The following ANKRD30A variants were observed in gnomAD, a reference collection of about 807,000 sequenced individuals.
ANKRD30A encodes ankyrin repeat domain 30A.
ANKRD30A carries 170 observed loss-of-function variants against 166.3 expected under a neutral mutation model. That is an observed-to-expected ratio of 1.02 (90% CI 0.90 to 1.16). The LOEUF (loss-of-function observed/expected upper bound fraction) is 1.16. Among genes scored for constraint, ANKRD30A ranks in the 50% most tolerant of loss-of-function variants. The probability of loss-of-function intolerance (pLI) is 0.00; values close to 1 mark genes in which losing one functional copy is unlikely to be tolerated. For missense variants in ANKRD30A, 1,630 were observed against 1,518.0 expected (o/e 1.07, Z -1.23); for synonymous variants, 564 against 508.9 (o/e 1.11, Z -1.46).
chr10:37,218,618 T>A (rs568519318), intron 33 of ANKRD30A, among the ~76,000 whole-genome samples: 9 of 151,156 alleles, frequency 6.0e-5, no homozygotes, highest in African/African-American at 1.9e-4. Context: ...TCTTAGTATA[T>A]GTTAGACATC....
chr10:37,224,371 T>G (rs1170662134), intron 34 of ANKRD30A, among the ~76,000 whole-genome samples: 1 of 151,154 alleles, frequency 6.6e-6, no homozygotes, highest in Non-Finnish European at 1.5e-5. Context: ...TTTTAAAATA[T>G]ATTATGGATA....
chr10:37,151,330 T>A (rs1466847956), intron 11 of ANKRD30A, among the ~76,000 whole-genome samples: 1 of 152,086 alleles, frequency 6.6e-6, no homozygotes, highest in African/African-American at 2.4e-5. Flanking sequence ...TCCTATAACA[T>A]GTGGGAACGT....
At chr10:37,151,548 A>T (rs1342135620) in intron 11 of ANKRD30A, among the ~76,000 whole-genome samples, 1 of 152,114 alleles carries the variant, frequency 6.6e-6, no homozygotes, top group African/African-American at 2.4e-5. Flanking sequence ...CTGTCATAGA[A>T]TATTGAAATG....
chr10:37,131,031 G>A (rs1404064848), intron 3 of ANKRD30A, among the ~76,000 whole-genome samples: 2 of 152,022 alleles, frequency 1.3e-5, no homozygotes, highest in African/African-American at 2.4e-5. Flanking sequence ...TTGACTTCTA[G>A]AATTTAGAGG....
At chr10:37,235,279 A>G (rs148398631), downstream of ANKRD30A, among the ~76,000 whole-genome samples, 766 of 151,910 alleles carry the variant, frequency 5.0e-3, 4 homozygotes, top group African/African-American at 0.017. Flanking sequence ...GTGTGGATCT[A>G]TGCTTAATCT....
the ANKRD30A span, among the ~76,000 whole-genome samples, chr10:37,237,964 G>C: frequency 6.6e-6 from 1 of 152,102 alleles, no homozygotes; most frequent in Admixed American, 6.5e-5. Flanking sequence ...AAAATTGAAA[G>C]GGACTTATAA....
intron 15 of ANKRD30A, among the ~76,000 whole-genome samples, chr10:37,159,550 T>C (rs541491871): frequency 4.0e-4 from 61 of 152,270 alleles, no homozygotes; most frequent in Admixed American, 2.7e-3. Context: ...ACTCACAACA[T>C]GTATGTGGTT....
chr10:37,201,608 A>C (rs1841632481), intron 31 of ANKRD30A, among the ~76,000 whole-genome samples: 1 of 152,108 alleles, frequency 6.6e-6, no homozygotes, highest in Admixed American at 6.6e-5. Flanking sequence ...GAGGAAATGA[A>C]GACTGAGAAA....
chr10:37,151,970 A>G (rs1837970874), intron 11 of ANKRD30A, 90 bp from the exon 12 acceptor site: 1 of 1,190,786 alleles, frequency 8.4e-7, no homozygotes, highest in Non-Finnish European at 1.2e-6. Context: ...AAAACCACAG[A>G]TTCGTGAATG....
chr10:37,228,892 C>T (rs760581000), intron 34 of ANKRD30A, among the ~76,000 whole-genome samples: 62 of 151,782 alleles, frequency 4.1e-4, no homozygotes, highest in Non-Finnish European at 8.5e-4. Flanking sequence ...TAACAATTGC[C>T]CACAATTTAG....
rs1428535233 is a variant in ANKRD30A at position 37,193,208 on chromosome 10, C to G, written c.2564C>G (p.Ser855Cys). 4 of 1,611,820 alleles carry G rather than the reference C, an allele frequency of 2.5e-6. No homozygotes were observed. The East Asian group carries it at 6.7e-5, about 27-fold the overall frequency. The change falls in exon 27 of 36, where the codon TCT becomes TGT. Residue 855 changes from serine to cysteine, a missense_variant. Around this residue, in one of 4 missense-constraint regions of ANKRD30A, gnomAD observed 712 missense variants for 629.3 expected, o/e 1.13. Transcript: ENST00000361713. ...TAGGCTCCCTGCAGAATGAAAGTTT[C>G]TATTCCAACTAAAGCCTTAGAATTG... ...FLKAPCRMKVSIPTKALELMD... is the reference protein window; with the variant it reads ...FLKAPCRMKVCIPTKALELMD...
chr10:37,211,054 G>A (rs1842282095), intron 31 of ANKRD30A, among the ~76,000 whole-genome samples: 2 of 152,006 alleles, frequency 1.3e-5, no homozygotes, highest in African/African-American at 4.8e-5. Context: ...CCTATGTCCT[G>A]AATGATATTG....
At chr10:37,126,062 G>GGGGTGC in intron 1 of ANKRD30A, 54 bp downstream of exon 1, 1 of 1,170,678 alleles carries the variant, frequency 8.5e-7, no homozygotes, top group Non-Finnish European at 1.2e-6. Flanking sequence ...GCGGTGGGAG[G>GGGGTGC]ATCGCCCCTT....
chr10:37,214,223 T>C (rs1842489356), intron 31 of ANKRD30A, among the ~76,000 whole-genome samples: 1 of 151,650 alleles, frequency 6.6e-6, no homozygotes, highest in African/African-American at 2.4e-5. Context: ...ACAACCACCC[T>C]TCCTCAGCCT....
intron 34 of ANKRD30A, among the ~76,000 whole-genome samples, chr10:37,224,558 T>C (rs1843051392): frequency 6.6e-6 from 1 of 151,150 alleles, no homozygotes; most frequent in South Asian, 2.1e-4. Flanking sequence ...AGTAAATGAG[T>C]AATTGTGTTT....
At chr10:37,172,837 C>CCAAA (rs1374826001) in intron 21 of ANKRD30A, among the ~76,000 whole-genome samples, 1 of 146,224 alleles carries the variant, frequency 6.8e-6, no homozygotes, top group African/African-American at 2.5e-5. Flanking sequence ...AAACTGAGAA[C>CCAAA]ATTGGCTTTA....
At chr10:37,137,889 C>A (rs1350980347) in intron 6 of ANKRD30A, among the ~76,000 whole-genome samples, 1 of 152,080 alleles carries the variant, frequency 6.6e-6, no homozygotes, top group Non-Finnish European at 1.5e-5. Flanking sequence ...CTCGCAGCAC[C>A]CAGCACGCAG....
Position 37,152,069 on chromosome 10 carries a change from TC to T in ANKRD30A, c.1658del (p.Pro553HisfsTer39), listed in dbSNP as rs1289791060. ...GATTAACCTTTTATAGATCCGATGT[TC>T]CCACCAGAATCCAAACAAAAGGACT... ...NEQTLRADPM[F>X]PPESKQKDYE... On this transcript the variant is annotated frameshift_variant, in exon 12 of 36. Coordinates refer to ENST00000361713, the MANE Select transcript of ANKRD30A (RefSeq NM_052997.3). LOFTEE classifies it high-confidence loss of function. 3.7e-6 allele frequency: 6 copies of T among 1,609,362 alleles called. No individual in the cohort carries two copies. Among genetic ancestry groups the T allele is most frequent in the Non-Finnish European group, 5.1e-6 (6 of 1,176,974 alleles).
At chr10:37,162,251 T>G (rs1244507668) in intron 15 of ANKRD30A, among the ~76,000 whole-genome samples, 1 of 152,188 alleles carries the variant, frequency 6.6e-6, no homozygotes, top group South Asian at 2.1e-4. Flanking sequence ...AGCTGAACTT[T>G]CATCATAACT....
Sources: gnomAD v4.1 joint callset for allele counts (sites outside exome capture counted in the v4.1 genomes callset) on GRCh38, gnomAD v4.1.1 for gene constraint, gnomAD v4.1.1 regional missense constraint, MANE v1.5 for transcripts, NCBI Gene and HGNC (gene_info 2026-07-23, HGNC 2026-07-21) for gene names.